The following CSMD1 variants were observed in gnomAD, a reference collection of about 807,000 sequenced individuals.
CSMD1 encodes the protein CUB and sushi domain-containing protein 1.
In CSMD1, 213 loss-of-function variants were observed where a neutral mutation model predicts 417.5. The observed-to-expected ratio is 0.51, with a 90% confidence interval of 0.46 to 0.57. The LOEUF (loss-of-function observed/expected upper bound fraction) is 0.57. Ranked by LOEUF, CSMD1 falls within the 20% of genes least tolerant of loss-of-function variation. The pLI, the probability that CSMD1 is intolerant of heterozygous loss-of-function variation, is 0.00. For synonymous variants in CSMD1, 2,862 were observed against 1,736.8 expected (o/e 1.65, Z -16.11); for missense variants, 6,923 against 4,529.7 (o/e 1.53, Z -15.17).
chr8:3,466,630 T>C (rs969676630), intron 12 of CSMD1, among the ~76,000 whole-genome samples: 5 of 147,686 alleles, frequency 3.4e-5, no homozygotes, highest in Non-Finnish European at 7.4e-5. Context: ...GGTTTCACCA[T>C]GTTGGCCAGG....
At chr8:3,852,213 G>C (rs73491917) in intron 5 of CSMD1, among the ~76,000 whole-genome samples, 1,994 of 152,266 alleles carry the variant, frequency 0.013, 42 homozygotes, top group African/African-American at 0.046. Context: ...CAAGGACTGG[G>C]AATGGAGGCG....
At chr8:4,309,601 C>T (rs1409842642) in intron 3 of CSMD1, among the ~76,000 whole-genome samples, 6 of 152,106 alleles carry the variant, frequency 3.9e-5, no homozygotes, top group Non-Finnish European at 8.8e-5. Flanking sequence ...CCTAATAGCA[C>T]TCCCATTTTA....
chr8:4,973,864 C>A (rs1409029389), intron 1 of CSMD1, among the ~76,000 whole-genome samples: 1 of 152,146 alleles, frequency 6.6e-6, no homozygotes, highest in African/African-American at 2.4e-5. Flanking sequence ...ATCAACGTGA[C>A]AAATCCAACA....
chr8:3,883,427 T>C (rs1806338423), intron 5 of CSMD1, among the ~76,000 whole-genome samples: 1 of 152,196 alleles, frequency 6.6e-6, no homozygotes, highest in African/African-American at 2.4e-5. Flanking sequence ...TGTATGTGTG[T>C]GTATGTTTGT....
chr8:3,196,486 CT>C (rs1796709704), intron 33 of CSMD1, among the ~76,000 whole-genome samples: 1 of 152,154 alleles, frequency 6.6e-6, no homozygotes, highest in Non-Finnish European at 1.5e-5. Context: ...ATCCAAGAAC[CT>C]CTCTTGGGGT....
chr8:3,662,482 T>C (rs761771024), intron 7 of CSMD1, among the ~76,000 whole-genome samples: 3 of 152,306 alleles, frequency 2.0e-5, no homozygotes, highest in Non-Finnish European at 2.9e-5. Context: ...TTATTGTAAA[T>C]AGTGCTGCAA....
intron 1 of CSMD1, among the ~76,000 whole-genome samples, chr8:4,833,312 G>A (rs1800261097): frequency 6.6e-6 from 1 of 152,306 alleles, no homozygotes; most frequent in East Asian, 1.9e-4. Flanking sequence ...TGGGAAGCAA[G>A]CATGTCTTCA....
intron 3 of CSMD1, among the ~76,000 whole-genome samples, chr8:4,355,731 T>C (rs182831091): frequency 5.8e-4 from 89 of 152,338 alleles, no homozygotes; most frequent in East Asian, 5.8e-3. Flanking sequence ...TGCATCTTTA[T>C]TCATTTTCCC....
rs200039361 is a variant in CSMD1, at chr8:2,978,753, C to G, written c.8425G>C (p.Gly2809Arg). The G allele has an allele frequency of 1.2e-6, 2 of 1,613,236 alleles. No individual in the cohort carries two copies. The highest frequency in any genetic ancestry group is 1.7e-6 in the Non-Finnish European group (2 of 1,179,664). ...PGFVENAIRH[G>R]QQNFPESFEY... ...AAACTCTCAGGGAAGTTCTGTTGCC[C>G]GTGACGAATGGCATTTTCCACAAAG... The change falls in exon 55 of 70, where the codon GGG becomes CGG. Residue 2809 changes from glycine to arginine, a missense_variant. By Grantham distance (125) the Gly-to-Arg change is moderately radical. Transcript: ENST00000635120.
At chr8:3,956,414 G>T (rs939975621) in intron 5 of CSMD1, among the ~76,000 whole-genome samples, 1 of 152,148 alleles carries the variant, frequency 6.6e-6, no homozygotes, top group South Asian at 2.1e-4. Context: ...CTAACTGGAG[G>T]CATGTATGTT....
At chr8:3,795,847 ATATATAT>A (rs1218117992) in intron 5 of CSMD1, among the ~76,000 whole-genome samples, 4 of 69,434 alleles carry the variant, frequency 5.8e-5, no homozygotes, top group Admixed American at 1.4e-4. Context: ...ACAGATATAG[ATATATAT>A]CTATCATGTA....
At chr8:4,070,277 A>G (rs1264323847) in intron 3 of CSMD1, among the ~76,000 whole-genome samples, 7 of 152,316 alleles carry the variant, frequency 4.6e-5, no homozygotes, top group Admixed American at 3.3e-4. Flanking sequence ...CTAAAACATA[A>G]TGTTGTTATT....
At chr8:3,068,782 G>A in intron 49 of CSMD1, among the ~76,000 whole-genome samples, 1 of 152,104 alleles carries the variant, frequency 6.6e-6, no homozygotes. Context: ...AATAAGTCGT[G>A]AGGGATCCAC....
intron 48 of CSMD1, among the ~76,000 whole-genome samples, chr8:3,090,937 A>T (rs1814898911): frequency 6.6e-6 from 1 of 152,198 alleles, no homozygotes; most frequent in African/African-American, 2.4e-5. Context: ...TAATTGATTT[A>T]GTTAATATAA....
At chr8:2,979,970 A>G (rs1489923476) in intron 54 of CSMD1, among the ~76,000 whole-genome samples, 2 of 152,208 alleles carry the variant, frequency 1.3e-5, no homozygotes, top group Non-Finnish European at 1.5e-5. Flanking sequence ...GAGAAATTCT[A>G]ATTAACTTGA....
chr8:4,412,468 C>T (rs1388366046), intron 3 of CSMD1, among the ~76,000 whole-genome samples: 3 of 152,156 alleles, frequency 2.0e-5, no homozygotes, highest in Non-Finnish European at 4.4e-5. Context: ...CGGGCAGATG[C>T]CAGTACCACG....
chr8:3,225,244 G>A (rs1010040708), intron 27 of CSMD1, among the ~76,000 whole-genome samples: 4 of 152,074 alleles, frequency 2.6e-5, no homozygotes, highest in African/African-American at 9.7e-5. Flanking sequence ...AGTAGTTCTT[G>A]TTATACTCTC....
chr8:4,674,066 G>A (rs1190353331), intron 1 of CSMD1, among the ~76,000 whole-genome samples: 1 of 152,140 alleles, frequency 6.6e-6, no homozygotes, highest in Non-Finnish European at 1.5e-5. Context: ...TCTAAATGGA[G>A]ACTTTCTCAC....
intron 8 of CSMD1, among the ~76,000 whole-genome samples, chr8:3,616,353 G>C (rs1162198828): frequency 6.6e-6 from 1 of 152,066 alleles, no homozygotes; most frequent in Non-Finnish European, 1.5e-5. Flanking sequence ...TCTCCTTCCT[G>C]TCACCATATG....
Sources: allele counts gnomAD v4.1 joint callset (sites outside exome capture counted in the v4.1 genomes callset), GRCh38; gene constraint gnomAD v4.1.1; transcripts MANE v1.5; gene names NCBI Gene and HGNC (gene_info 2026-07-23, HGNC 2026-07-21).